Variants in SGSM3 observed in about 807,000 individuals in gnomAD.
SGSM3 encodes small G protein signaling modulator 3.
SGSM3 carries 96 observed loss-of-function variants against 100.5 expected under a neutral mutation model. The observed-to-expected ratio is 0.96, with a 90% CI of 0.81 to 1.13. The LOEUF (loss-of-function observed/expected upper bound fraction) is 1.13. Ranked by LOEUF, SGSM3 falls within the 50% of genes most tolerant of loss-of-function variation. SGSM3 has a pLI of 0.00. For missense variants in SGSM3, 1,001 were observed against 1,015.8 expected (o/e 0.99, Z 0.20); for synonymous variants, 483 against 422.8 (o/e 1.14, Z -1.75).
chr22:40,395,889 C>A lies in SGSM3; in HGVS notation c.-111-4807C>A, dbSNP rs117459063. On this transcript the variant is annotated intron_variant, in intron 1 of 21. Coordinates refer to ENST00000248929, the MANE Select transcript of SGSM3 (RefSeq NM_015705.6). The stretch of plus-strand genomic sequence containing the variant: ...CTCATTCTCCGTAATCTTTCCTCTG[C>A]ACGCCACACTTGCCTGCAAGCATCC... 4.9e-3 allele frequency among the ~76,000 whole-genome samples: 739 copies of A among 152,304 alleles called. 2 individuals are homozygous for A. Among genetic ancestry groups the A allele is most frequent in the Non-Finnish European group, 8.2e-3 (558 of 68,024 alleles).
chr22:40,400,756 A>G lies in SGSM3; in HGVS notation c.-51A>G, dbSNP rs2050640061. 2 of 1,548,010 alleles carry G rather than the reference A, an allele frequency of 1.3e-6. No individual in the cohort carries two copies. The highest frequency in any genetic ancestry group is 1.7e-6 in the Non-Finnish European group (2 of 1,143,800). On this transcript the variant is annotated 5_prime_UTR_variant, in exon 2 of 22. It adds an upstream start codon to the 5' untranslated region. Transcript: ENST00000248929. ...CCTTCCAGCTCTAAGATAGCAGGAT[A>G]GGAGACTTCTAAGATTGGAGCTGCA...
intron 1 of SGSM3, among the ~76,000 whole-genome samples, chr22:40,389,351 G>A (rs370151495): frequency 1.3e-5 from 2 of 152,102 alleles, no homozygotes; most frequent in Non-Finnish European, 2.9e-5. Flanking sequence ...TGTAATCCCA[G>A]CGCTTTGGGA....
Position 40,406,490 on chromosome 22 carries a change from C to T in SGSM3, c.1013C>T (p.Ser338Leu). Residue 338 changes from serine (S) to leucine (L), a missense_variant, in exon 10 of 22, where the codon TCG becomes TTG. Transcript: ENST00000248929. ...TCGGCCTCCATCTTCAACACGCTAT[C>T]GGATATCCCGTCGCAGATGGAGGAC... ...ENSASIFNTLSDIPSQMEDAE... is the reference protein window; with the variant it reads ...ENSASIFNTLLDIPSQMEDAE... 4 of 1,610,148 alleles carry T rather than the reference C, an allele frequency of 2.5e-6. No homozygotes were observed. The highest frequency in any genetic ancestry group is 3.4e-6 in the Non-Finnish European group (4 of 1,178,090).
intron 1 of SGSM3, chr22:40,379,287 A>G (rs1212923378): frequency 6.6e-6 from 1 of 152,266 alleles, no homozygotes; most frequent in Non-Finnish European, 1.5e-5. Flanking sequence ...TCCTCAACAC[A>G]AAGTCACCAT....
At chr22:40,404,742 T>G in intron 6 of SGSM3, 78 bp downstream of exon 6, 1 of 1,015,944 alleles carries the variant, frequency 9.8e-7, no homozygotes, top group Non-Finnish European at 1.5e-6. Flanking sequence ...CCTGGGGTTC[T>G]TAGAGTGTGC....
At chr22:40,409,443 A>G (rs1602159640) in intron 20 of SGSM3, 22 bp from the exon 21 acceptor site, 5 of 1,566,574 alleles carry the variant, frequency 3.2e-6, no homozygotes, top group South Asian at 1.2e-5. Context: ...CAAGAGCCTT[A>G]CCACCCCTTC....
chr22:40,408,564 C>G, intron 16 of SGSM3, 63 bp from the exon 17 acceptor site: 1 of 1,601,508 alleles, frequency 6.2e-7, no homozygotes, highest in Non-Finnish European at 8.6e-7. Flanking sequence ...GCCCAGTCGG[C>G]CCCAAGGGCT....
rs772554541 is a variant in SGSM3, at chr22:40,408,658, C to T, written c.1814C>T (p.Ala605Val). Residue 605 changes from alanine (A) to valine (V), a missense_variant, in exon 17 of 22, where the codon GCC becomes GTC. Coordinates refer to ENST00000248929, the MANE Select transcript of SGSM3 (RefSeq NM_015705.6). ...AAGREVERDFASVYSRLVLCK... is the reference protein window; with the variant it reads ...AAGREVERDFVSVYSRLVLCK... Reference sequence around the variant, plus strand: ...GGCCGGGAGGTCGAGAGAGACTTTGCCTCCGTGTATTCCCGTCTGGTGCTC... The same window carrying T: ...GGCCGGGAGGTCGAGAGAGACTTTGTCTCCGTGTATTCCCGTCTGGTGCTC... 6.2e-7 allele frequency: 1 copy of T among 1,614,032 alleles called. No homozygotes were observed. The highest frequency in any genetic ancestry group is 1.1e-5 in the South Asian group (1 of 91,090).
At chr22:40,405,057 G>A (rs2051277167) in intron 6 of SGSM3, 84 bp from the exon 7 acceptor site, 4 of 1,434,026 alleles carry the variant, frequency 2.8e-6, no homozygotes, top group Non-Finnish European at 3.7e-6. Flanking sequence ...CCCCATTTCT[G>A]GGGGAGAAGC....
At chr22:40,409,080 G>A in intron 19 of SGSM3, 62 bp downstream of exon 19, 4 of 1,551,854 alleles carry the variant, frequency 2.6e-6, no homozygotes, top group Non-Finnish European at 2.6e-6. Context: ...CCAGCATCAG[G>A]GGGGGTCCTT....
rs1284722065 is a variant in SGSM3 at position 40,409,769 on chromosome 22, C to T, written c.*10C>T. 9.4e-6 allele frequency: 15 copies of T among 1,604,006 alleles called. No homozygotes were observed. Among genetic ancestry groups the T allele is most frequent in the Non-Finnish European group, 1.2e-5 (14 of 1,178,360 alleles). On this transcript the variant is annotated 3_prime_UTR_variant, in exon 22 of 22. Transcript: ENST00000248929. ...GGATGTGGACGGGTGACCCCCTCCT[C>T]CCCAGCCCAACCTCGGGCCTGCGTC...
Position 40,408,812 on chromosome 22 carries a change from A to G in SGSM3, c.1872A>G (p.Lys624=). The change falls in exon 18 of 22, where the codon AAA becomes AAG. Residue 624 remains lysine (K), a synonymous_variant. Coordinates refer to ENST00000248929, the MANE Select transcript of SGSM3 (RefSeq NM_015705.6). ...CCCTCAGGTTGGATGAAGATGGCAAAGTCCTGACCCCGGAGGAGCTGCTCT... is the reference window on the plus strand; with the variant it reads ...CCCTCAGGTTGGATGAAGATGGCAAGGTCCTGACCCCGGAGGAGCTGCTCT... ...CKTFRLDEDG[K]VLTPEELLYR... is the part of the protein sequence containing the mutation. The G allele has an allele frequency of 1.2e-6, 2 of 1,613,708 alleles. No homozygotes were observed. Among genetic ancestry groups the G allele is most frequent in the Non-Finnish European group, 1.7e-6 (2 of 1,179,990 alleles).
chr22:40,383,253 G>T (rs1245118110), intron 1 of SGSM3, among the ~76,000 whole-genome samples: 1 of 151,978 alleles, frequency 6.6e-6, no homozygotes. Context: ...AGATCACGAG[G>T]TCAGGAGATC....
chr22:40,371,573 T>C (rs1179069169), intron 1 of SGSM3, among the ~76,000 whole-genome samples: 2 of 152,256 alleles, frequency 1.3e-5, no homozygotes. Flanking sequence ...TATAGGTACA[T>C]ATGTTTCCCG....
At chr22:40,384,051 C>T (rs2048026828) in intron 1 of SGSM3, among the ~76,000 whole-genome samples, 1 of 152,046 alleles carries the variant, frequency 6.6e-6, no homozygotes, top group Admixed American at 6.6e-5. Flanking sequence ...GAGTTCAAGA[C>T]CTTCCTGGGC....
chr22:40,403,465 TGAGGGAGACAGGC>T (rs1370837247), intron 4 of SGSM3, among the ~76,000 whole-genome samples: 1 of 152,100 alleles, frequency 6.6e-6, no homozygotes, highest in Admixed American at 6.6e-5. Flanking sequence ...CTCATTTTAG[TGAGGGAGACAGGC>T]AGTAAACAAG....
chr22:40,378,287 G>A (rs980670479), intron 1 of SGSM3: 5 of 152,268 alleles, frequency 3.3e-5, no homozygotes, highest in African/African-American at 1.2e-4. Context: ...AGAAAAATTA[G>A]CCAGGCATGA....
intron 7 of SGSM3, 97 bp downstream of exon 7, chr22:40,405,381 C>T (rs566193277): frequency 1.6e-6 from 2 of 1,223,184 alleles, no homozygotes; most frequent in African/African-American, 1.5e-5. Flanking sequence ...AGCCCCAGGG[C>T]CTCCTCCAGG....
chr22:40,408,204 G>T, intron 15 of SGSM3, 73 bp from the exon 16 acceptor site: 1 of 1,607,064 alleles, frequency 6.2e-7, no homozygotes, highest in Admixed American at 1.7e-5. Flanking sequence ...CTGTAGCATG[G>T]CAGAGAGGAC....
Sources: gnomAD v4.1 joint callset for allele counts (sites outside exome capture counted in the v4.1 genomes callset) on GRCh38, gnomAD v4.1.1 for gene constraint, MANE v1.5 for transcripts, NCBI Gene and HGNC (gene_info 2026-07-23, HGNC 2026-07-21) for gene names.